The following SAFB2 variants were observed in gnomAD, a reference collection of about 807,000 sequenced individuals.
SAFB2 encodes scaffold attachment factor B2.
SAFB2 carries 32 observed loss-of-function variants against 100.6 expected under a neutral mutation model. That is an observed-to-expected ratio of 0.32 (90% CI 0.24 to 0.43). SAFB2 has a LOEUF of 0.43. Ranked by LOEUF, SAFB2 falls within the 20% of genes least tolerant of loss-of-function variation. SAFB2 has a pLI of 1.00. For missense variants in SAFB2, 1,185 were observed against 1,163.4 expected (o/e 1.02, Z -0.27); for synonymous variants, 500 against 439.4 (o/e 1.14, Z -1.72).
chr19:5,600,244 C>T lies in SAFB2; in HGVS notation c.1576G>A (p.Glu526Lys), dbSNP rs1489179767. The T allele has an allele frequency of 6.2e-7, 1 of 1,612,654 alleles. No individual in the cohort carries two copies. Among genetic ancestry groups the T allele is most frequent in the African/African-American group, 1.3e-5 (1 of 74,656 alleles). ...TCCTCCTTCTTCTCAATCTTCTCTT[C>T]CTTCTTAATTACAGTTCTATTTAAA... ...IKIEKTVIKK[E>K]EKIEKKEEKK... The change falls in exon 12 of 21, where the codon GAA becomes AAA. Residue 526 changes from glutamate to lysine, a missense_variant. This residue lies in a region of SAFB2 where 740 missense variants were observed against 687.1 expected (regional missense o/e 1.08). Transcript: ENST00000252542.
chr19:5,615,187 T>C (rs779625186), intron 4 of SAFB2, among the ~76,000 whole-genome samples: 6 of 152,166 alleles, frequency 3.9e-5, no homozygotes, highest in African/African-American at 7.2e-5. Context: ...ACCCCATCTC[T>C]ACTAAAAATA....
rs115754042 is a variant in SAFB2, at chr19:5,613,905, A to C, written c.544-378T>G. On this transcript the variant is annotated intron_variant, in intron 4 of 20. Coordinates refer to ENST00000252542, the MANE Select transcript of SAFB2 (RefSeq NM_014649.3). Reference sequence around the variant, plus strand: ...ATTTCACCTGGTAGCAATACTCTTAAGGTAACACTAACCGGGCACTTTCTC... The same window carrying C: ...ATTTCACCTGGTAGCAATACTCTTACGGTAACACTAACCGGGCACTTTCTC... Among the ~76,000 whole-genome samples the C allele has an allele frequency of 5.8e-3, 877 of 152,342 alleles. 10 individuals are homozygous for C. The highest frequency in any genetic ancestry group is 0.02 in the African/African-American group (811 of 41,576).
intron 13 of SAFB2, among the ~76,000 whole-genome samples, chr19:5,597,518 C>T (rs1446475247): frequency 6.6e-6 from 1 of 152,140 alleles, no homozygotes; most frequent in Non-Finnish European, 1.5e-5. Flanking sequence ...AGGCATATTA[C>T]ACAGAAAGTG....
chr19:5,592,251 G>A (rs985193309), intron 16 of SAFB2, among the ~76,000 whole-genome samples: 6 of 152,188 alleles, frequency 3.9e-5, no homozygotes, highest in East Asian at 3.9e-4. Context: ...ATGTGCAGCC[G>A]AGGGGAGCCC....
At chr19:5,605,032 C>A in intron 9 of SAFB2, 96 bp from the exon 10 acceptor site, 1 of 1,382,932 alleles carries the variant, frequency 7.2e-7, no homozygotes, top group South Asian at 1.3e-5. Context: ...CACTATTTGT[C>A]ACCTCTCCCC....
At chr19:5,613,810 G>A (rs1209089880) in intron 4 of SAFB2, 2 of 852,962 alleles carry the variant, frequency 2.3e-6, no homozygotes, top group Non-Finnish European at 2.8e-6. Context: ...AAGTACTGGT[G>A]ATTACCACAT....
chr19:5,608,958 G>C (rs1423208962), intron 9 of SAFB2, among the ~76,000 whole-genome samples: 1 of 146,272 alleles, frequency 6.8e-6, no homozygotes, highest in Non-Finnish European at 1.5e-5. Context: ...TAAGGCACGA[G>C]AATCACTTGA....
intron 2 of SAFB2, among the ~76,000 whole-genome samples, chr19:5,617,699 T>C (rs768848435): frequency 2.0e-5 from 3 of 152,202 alleles, no homozygotes; most frequent in Non-Finnish European, 4.4e-5. Flanking sequence ...GTCACGACCC[T>C]GCAATGCACA....
intron 2 of SAFB2, among the ~76,000 whole-genome samples, chr19:5,618,487 C>G (rs2053079215): frequency 6.6e-6 from 1 of 152,226 alleles, no homozygotes; most frequent in African/African-American, 2.4e-5. Flanking sequence ...GCAACGTGAG[C>G]TTTTTCCAGT....
chr19:5,622,526 T>C lies in SAFB2; in HGVS notation c.186+4A>G, dbSNP rs780703784. The C allele has an allele frequency of 6.2e-7, 1 of 1,600,976 alleles. No homozygotes were observed. Among genetic ancestry groups the C allele is most frequent in the Non-Finnish European group, 8.5e-7 (1 of 1,174,062 alleles). ...CGCCACCCCCGAGCCCCGCGCCGCC[T>C]CACCTTCTTGAGCCGCTCCATCAGG... On this transcript the variant is annotated splice_donor_region_variant and intron_variant, in intron 1 of 20. Coordinates refer to ENST00000252542, the MANE Select transcript of SAFB2 (RefSeq NM_014649.3).
chr19:5,616,537 A>G, intron 2 of SAFB2, 51 bp from the exon 3 acceptor site: 1 of 1,468,504 alleles, frequency 6.8e-7, no homozygotes, highest in Non-Finnish European at 9.5e-7. Flanking sequence ...TCTACCTCAT[A>G]ATTAGTTTAT....
intron 13 of SAFB2, among the ~76,000 whole-genome samples, chr19:5,595,976 T>C (rs1443394348): frequency 1.3e-5 from 2 of 152,114 alleles, no homozygotes. Flanking sequence ...CTAAATAGAA[T>C]ATGCCAGGCC....
intron 17 of SAFB2, among the ~76,000 whole-genome samples, chr19:5,590,733 C>A (rs113091020): frequency 6.6e-6 from 1 of 152,190 alleles, no homozygotes; most frequent in Non-Finnish European, 1.5e-5. Flanking sequence ...AGTTGGGCGC[C>A]GCCTCCTTTC....
At chr19:5,613,892 A>G (rs138621170) in intron 4 of SAFB2, among the ~76,000 whole-genome samples, 1 of 152,338 alleles carries the variant, frequency 6.6e-6, no homozygotes, top group East Asian at 1.9e-4. Context: ...TTCACCTGGT[A>G]GCAATACTCT....
At chr19:5,590,189 TCAAA>T (rs2052360314) in intron 18 of SAFB2, 85 bp downstream of exon 18, 2 of 1,244,242 alleles carry the variant, frequency 1.6e-6, no homozygotes, top group Non-Finnish European at 2.2e-6. Flanking sequence ...CCTAGCTGAA[TCAAA>T]CCTTGGGGAC....
In SAFB2 at chr19:5,622,772, G is replaced by C. The variant is rs897451570; in HGVS notation, c.-57C>G. 14 of 1,528,682 alleles carry C rather than the reference G, an allele frequency of 9.2e-6. No homozygotes were observed. The Admixed American group carries it at 2.8e-4, about 31-fold the overall frequency. The allele number at this position is 1,528,682 out of a possible 1,614,324, so 94.7% of individuals were successfully genotyped here. On this transcript the variant is annotated 5_prime_UTR_variant, in exon 1 of 21. Transcript: ENST00000252542. ...TCGCACACCGCCGGCAGCTATAGCGGCTCTGAACACAAAATGGCGCCGCCT... is the reference window on the plus strand; with the variant it reads ...TCGCACACCGCCGGCAGCTATAGCGCCTCTGAACACAAAATGGCGCCGCCT...
At chr19:5,594,969 C>T (rs2052505009) in intron 14 of SAFB2, among the ~76,000 whole-genome samples, 1 of 152,214 alleles carries the variant, frequency 6.6e-6, no homozygotes, top group Admixed American at 6.5e-5. Context: ...CCACCTCAAC[C>T]TCCTGAGTAG....
intron 6 of SAFB2, chr19:5,611,894 A>G (rs2052915615): frequency 3.4e-6 from 2 of 592,304 alleles, no homozygotes; most frequent in Admixed American, 5.8e-5. Context: ...GGTTCTCAAT[A>G]GTCTTCTTCG....
At chr19:5,606,417 G>C (rs374141236) in intron 9 of SAFB2, among the ~76,000 whole-genome samples, 54 of 152,328 alleles carry the variant, frequency 3.5e-4, no homozygotes, top group Admixed American at 5.9e-4. Flanking sequence ...CTTGAGGCCA[G>C]GTGTTCAAAA....
Sources: gnomAD v4.1 joint callset for allele counts (sites outside exome capture counted in the v4.1 genomes callset) on GRCh38, gnomAD v4.1.1 for gene constraint, gnomAD v4.1.1 regional missense constraint, MANE v1.5 for transcripts, NCBI Gene and HGNC (gene_info 2026-07-23, HGNC 2026-07-21) for gene names.